Variants in NDST3 observed in about 807,000 individuals in gnomAD.
The protein encoded by NDST3 is N-deacetylase and N-sulfotransferase 3, also known as bifunctional heparan sulfate N-deacetylase/N-sulfotransferase 3.
Under a neutral mutation model 96.1 loss-of-function variants are expected in NDST3, and 58 were observed. The observed-to-expected ratio is 0.60, with a 90% CI of 0.49 to 0.75. NDST3 has a LOEUF of 0.75. Among genes scored for constraint, NDST3 ranks in the 30% least tolerant of loss-of-function variants. The pLI is 0.00. For synonymous variants in NDST3, 333 were observed against 359.7 expected, an observed-to-expected ratio of 0.93 and a Z score of 0.84; for missense variants, 788 against 1,034.2, an observed-to-expected ratio of 0.76 and a Z score of 3.27.
intron 4 of NDST3, among the ~76,000 whole-genome samples, chr4:118,131,019 G>A (rs1279725575): frequency 1.3e-5 from 2 of 152,056 alleles, no homozygotes; most frequent in Admixed American, 6.6e-5. Flanking sequence ...TTGACTCTTG[G>A]GAGTTTGATT....
At chr4:118,068,979 A>G (rs1474133964) in intron 2 of NDST3, among the ~76,000 whole-genome samples, 1 of 152,094 alleles carries the variant, frequency 6.6e-6, no homozygotes, top group African/African-American at 2.4e-5. Context: ...TATGGAGATC[A>G]ATATAGTGCA....
At chr4:118,186,977 G>A (rs1452789475) in intron 6 of NDST3, among the ~76,000 whole-genome samples, 1 of 152,166 alleles carries the variant, frequency 6.6e-6, no homozygotes. Context: ...ACATGAGGGA[G>A]ACTACTATTA....
chr4:118,085,365 T>G lies in NDST3; in HGVS notation c.982-19653T>G, dbSNP rs1728339239. The stretch of plus-strand genomic sequence containing the variant: ...TTCAGACAACAGTCCCAAAACTGCC[T>G]GAAGACATTCAGAATTCCTCTATAA... On this transcript the variant is annotated intron_variant, in intron 2 of 13. Transcript: ENST00000296499. 2.6e-5 allele frequency among the ~76,000 whole-genome samples: 4 copies of G among 152,140 alleles called. No homozygotes were observed. In the South Asian group the frequency reaches 8.3e-4, roughly 32 times the overall value.
intron 3 of NDST3, among the ~76,000 whole-genome samples, chr4:118,105,630 A>T (rs1444775993): frequency 6.6e-6 from 1 of 152,224 alleles, no homozygotes; most frequent in East Asian, 1.9e-4. Flanking sequence ...TCTATAGGTT[A>T]TAATTCTTTC....
At chr4:118,246,651 C>G (rs1312082957) in intron 12 of NDST3, among the ~76,000 whole-genome samples, 1 of 152,058 alleles carries the variant, frequency 6.6e-6, no homozygotes, top group Non-Finnish European at 1.5e-5. Flanking sequence ...TTAATTGACT[C>G]ACAGTTTTAC....
At chr4:118,246,337 G>A (rs1741307077) in intron 12 of NDST3, among the ~76,000 whole-genome samples, 1 of 152,194 alleles carries the variant, frequency 6.6e-6, no homozygotes, top group South Asian at 2.1e-4. Flanking sequence ...TGGGTGGGGT[G>A]TCTCACACCT....
intron 8 of NDST3, among the ~76,000 whole-genome samples, chr4:118,232,545 C>T (rs1740371052): frequency 6.6e-6 from 1 of 151,388 alleles, no homozygotes; most frequent in East Asian, 1.9e-4. Flanking sequence ...GAGGCTCAGA[C>T]AGGAGGATCC....
chr4:118,175,887 T>C (rs1470504766), intron 6 of NDST3, among the ~76,000 whole-genome samples: 1 of 152,122 alleles, frequency 6.6e-6, no homozygotes, highest in Non-Finnish European at 1.5e-5. Context: ...TGTTCTTCCA[T>C]GTTTACAATT....
intron 13 of NDST3, among the ~76,000 whole-genome samples, chr4:118,255,358 G>A (rs1032732427): frequency 6.6e-6 from 1 of 152,176 alleles, no homozygotes. Flanking sequence ...ATGTGTAGGA[G>A]GGATTAGAGT....
rs1318176120 is a variant in NDST3, at chr4:118,066,329, TATTA to T, written c.981+11439_981+11442del. On this transcript the variant is annotated intron_variant, in intron 2 of 13. Transcript: ENST00000296499. ...TATTATATATATTATATATATTATG[TATTA>T]TATATATTATATATCATATATCATA... Among the ~76,000 whole-genome samples the T allele has an allele frequency of 1.5e-4, 2 of 13,240 alleles. 1 individual carries two copies. Among genetic ancestry groups the T allele is most frequent in the Non-Finnish European group, 7.9e-4 (2 of 2,522 alleles). 8.7% of individuals were successfully genotyped at this position (13,240 alleles called of 152,430 possible). A position where few individuals can be genotyped will look rare whatever the true frequency, so the allele number is the denominator to read the frequency against.
intron 6 of NDST3, among the ~76,000 whole-genome samples, chr4:118,221,779 AGTT>A (rs1338375260): frequency 2.6e-5 from 4 of 152,018 alleles, no homozygotes; most frequent in Admixed American, 6.6e-5. Context: ...GAATTGTTTC[AGTT>A]GTTAATCATA....
chr4:118,054,171 G>C lies in NDST3; in HGVS notation c.261G>C (p.Gln87His). The change falls in exon 2 of 14, where the codon CAG (glutamine) becomes CAC (histidine). Residue 87 changes from glutamine to histidine, a missense_variant. Coordinates refer to ENST00000296499, the MANE Select transcript of NDST3 (RefSeq NM_004784.3). The stretch of plus-strand genomic sequence containing the variant: ...CAGTCCTAGTATTTGTAGAGAGCCA[G>C]TACTCATCTCTTGGTCAAGACATCA... Reference protein sequence around the residue: ...DPTVLVFVESQYSSLGQDIIM... With the variant: ...DPTVLVFVESHYSSLGQDIIM... 1.9e-6 allele frequency: 3 copies of C among 1,613,042 alleles called. No homozygotes were observed. Among genetic ancestry groups the C allele is most frequent in the Non-Finnish European group, 2.5e-6 (3 of 1,179,398 alleles).
At chr4:118,092,821 C>A (rs1236550400) in intron 2 of NDST3, among the ~76,000 whole-genome samples, 3 of 151,730 alleles carry the variant, frequency 2.0e-5, no homozygotes, top group Non-Finnish European at 2.9e-5. Context: ...TATAGCATAA[C>A]GTATCAGACA....
chr4:118,053,238 G>C (rs915824570), intron 1 of NDST3, among the ~76,000 whole-genome samples: 4 of 151,940 alleles, frequency 2.6e-5, no homozygotes, highest in African/African-American at 9.7e-5. Flanking sequence ...ATTTTAATGA[G>C]AGCAATTATC....
At chr4:118,148,384 C>A (rs1332035874) in intron 6 of NDST3, among the ~76,000 whole-genome samples, 2 of 152,180 alleles carry the variant, frequency 1.3e-5, no homozygotes, top group East Asian at 3.8e-4. Context: ...CCTCCTTCAT[C>A]AAACCATTAA....
intron 3 of NDST3, among the ~76,000 whole-genome samples, chr4:118,111,465 G>A (rs999166714): frequency 2.6e-5 from 4 of 151,960 alleles, no homozygotes; most frequent in Non-Finnish European, 5.9e-5. Flanking sequence ...GAGTGGGCAA[G>A]AGGCCACGAC....
At chr4:118,096,207 C>G (rs566794907) in intron 2 of NDST3, among the ~76,000 whole-genome samples, 167 of 151,992 alleles carry the variant, frequency 1.1e-3, no homozygotes, top group African/African-American at 3.9e-3. Flanking sequence ...TCTTAAACTA[C>G]CTCTATATAC....
chr4:118,215,594 T>C (rs188770690), intron 6 of NDST3, among the ~76,000 whole-genome samples: 74 of 150,086 alleles, frequency 4.9e-4, no homozygotes, highest in African/African-American at 1.7e-3. Context: ...ATGAGAGAGA[T>C]TGAAATATGT....
chr4:118,111,262 C>T (rs544332090), intron 3 of NDST3, among the ~76,000 whole-genome samples: 19 of 152,202 alleles, frequency 1.2e-4, no homozygotes, highest in African/African-American at 4.3e-4. Flanking sequence ...CAAACCTCAG[C>T]ATCATGCAAT....
Sources: allele counts gnomAD v4.1 joint callset (sites outside exome capture counted in the v4.1 genomes callset), GRCh38; gene constraint gnomAD v4.1.1; transcripts MANE v1.5; gene names NCBI Gene and HGNC (gene_info 2026-07-23, HGNC 2026-07-21).